The following EIF3D variants were observed in gnomAD, a reference collection of about 807,000 sequenced individuals.
EIF3D encodes eukaryotic translation initiation factor 3 subunit D.
Under a neutral mutation model 75.4 loss-of-function variants are expected in EIF3D, and 10 were observed. That is an observed-to-expected ratio of 0.13 (90% CI 0.08 to 0.22). EIF3D has a LOEUF of 0.22. EIF3D is among the 10% of genes least tolerant of loss of function. The pLI, the probability that EIF3D is intolerant of heterozygous loss-of-function variation, is 1.00. For missense variants in EIF3D, 394 were observed against 708.0 expected, an observed-to-expected ratio of 0.56 and a Z score of 5.03; for synonymous variants, 246 against 248.3, an observed-to-expected ratio of 0.99 and a Z score of 0.09.
chr22:36,511,224 C>T, intron 14 of EIF3D: 1 of 796,798 alleles, frequency 1.3e-6, no homozygotes. Context: ...GGAGCTTTTC[C>T]CTCTAGACCA....
chr22:36,516,490 C>G lies in EIF3D; in HGVS notation c.1194G>C (p.Glu398Asp), dbSNP rs1568998860. The G allele has an allele frequency of 6.2e-7, 1 of 1,613,994 alleles. No homozygotes were observed. The highest frequency in any genetic ancestry group is 2.2e-5 in the East Asian group (1 of 44,880). ...GATGGCGGCTCACCCTGGAATCCCA[C>G]TCATTGAGTGTCTTGATGTTGATGA... Reference protein sequence around the residue: ...VSFINIKTLNEWDSRHCNGVD... With the variant: ...VSFINIKTLNDWDSRHCNGVD... Residue 398 changes from glutamate to aspartate, a missense_variant, in exon 12 of 15, where the codon GAG (glutamate) becomes GAC (aspartate). Physicochemically the swap from Glu to Asp is conservative, Grantham distance 45 (BLOSUM62 2). Transcript: ENST00000216190.
intron 1 of EIF3D, among the ~76,000 whole-genome samples, chr22:36,528,419 T>TA (rs113181433): frequency 0.19 from 27,365 of 144,472 alleles, 2,526 homozygotes; most frequent in African/African-American, 0.22. Context: ...CTTTAATAAA[T>TA]GTTTTTTTTT....
chr22:36,511,236 C>T (rs183040483), intron 14 of EIF3D: 15 of 802,176 alleles, frequency 1.9e-5, no homozygotes, highest in Admixed American at 8.9e-5. Context: ...TCTAGACCAC[C>T]GGCTTCAATC....
In EIF3D at chr22:36,527,171, T is replaced by C. The variant is rs74399471; in HGVS notation, c.-10-1040A>G. 1.2e-3 allele frequency among the ~76,000 whole-genome samples: 181 copies of C among 152,316 alleles called. 1 individual carries two copies. Among genetic ancestry groups the C allele is most frequent in the African/African-American group, 4.2e-3 (175 of 41,562 alleles). ...ACAGACCTCAGGCCCAAAGTTGCCA[T>C]GTTAAATGTTCATGAATACTGCCAG... is the stretch of plus-strand genomic sequence containing the variant. On this transcript the variant is annotated intron_variant, in intron 1 of 14. Transcript: ENST00000216190.
chr22:36,511,317 C>T (rs1296398255), intron 14 of EIF3D, 186 bp downstream of exon 14: 2 of 1,236,490 alleles, frequency 1.6e-6, no homozygotes, highest in African/African-American at 3.0e-5. Context: ...CTATCCTCCC[C>T]AACCACTTGA....
intron 10 of EIF3D, among the ~76,000 whole-genome samples, 169 bp downstream of exon 10, chr22:36,517,132 G>A (rs1934439496): frequency 6.6e-6 from 1 of 152,178 alleles, no homozygotes; most frequent in Non-Finnish European, 1.5e-5. Context: ...TTTGTTCAAA[G>A]TCAGAGAGCC....
At chr22:36,528,605 TA>T (rs1934645972) in intron 1 of EIF3D, 1 of 123,794 alleles carries the variant, frequency 8.1e-6, no homozygotes, top group Non-Finnish European at 1.6e-5. Context: ...GGGGGTGGGG[TA>T]GATTTAAGAT....
chr22:36,516,274 T>TA lies in EIF3D; in HGVS notation c.1206+203dup. ...GCAGAAAAGTTCTTAACACTTAACA[T>TA]AGTTCTACACACACAGTCATGCTCT... On this transcript the variant is annotated intron_variant, in intron 12 of 14. Coordinates refer to ENST00000216190, the MANE Select transcript of EIF3D (RefSeq NM_003753.4). The TA allele has an allele frequency of 5.3e-6, 3 of 569,174 alleles. No individual in the cohort carries two copies. The South Asian group carries it at 8.1e-5, about 15-fold the overall frequency. 35.3% of individuals were successfully genotyped at this position (569,174 alleles called of 1,614,324 possible). A position where few individuals can be genotyped will look rare whatever the true frequency, so the allele number is the denominator to read the frequency against.
At chr22:36,515,895 G>A (rs866944804) in intron 12 of EIF3D, among the ~76,000 whole-genome samples, 19 of 150,784 alleles carry the variant, frequency 1.3e-4, no homozygotes, top group South Asian at 2.1e-4. Flanking sequence ...TGATGTGGGC[G>A]GGGGGGCGGA....
rs1215182398 is a variant in EIF3D at position 36,511,052 on chromosome 22, G to A, written c.1634-52C>T. The A allele has an allele frequency of 6.3e-6, 10 of 1,579,090 alleles. No homozygotes were observed. In the East Asian group the frequency reaches 9.0e-5, roughly 14 times the overall value. On this transcript the variant is annotated intron_variant, in intron 14 of 14. Transcript: ENST00000216190. ...AATGAGCCAGGTTGTGTGATATGAT[G>A]TTCACTTTCCTTTCTGAACCTCTGC...
chr22:36,524,599 G>A lies in EIF3D; in HGVS notation c.303C>T (p.Ala101=), dbSNP rs1455020149. 2 of 1,614,110 alleles carry A rather than the reference G, an allele frequency of 1.2e-6. No individual in the cohort carries two copies. The highest frequency in any genetic ancestry group is 2.2e-5 in the South Asian group (2 of 91,084). The part of the protein sequence containing the change: ...TAYQRNRMRF[A]QRNLRRDKDR... Reference sequence around the variant, plus strand: ...TGGTTGCTGGCTCTTGGCCTACCTGGGCAAATCTCATTCGATTCCGCTGGT... The same window carrying A: ...TGGTTGCTGGCTCTTGGCCTACCTGAGCAAATCTCATTCGATTCCGCTGGT... Residue 101 remains alanine (A), a synonymous_variant, in exon 4 of 15, where the codon GCC becomes GCT. Transcript: ENST00000216190.
intron 6 of EIF3D, among the ~76,000 whole-genome samples, chr22:36,521,768 C>T (rs1436255434): frequency 8.7e-6 from 1 of 114,468 alleles, no homozygotes; most frequent in African/African-American, 3.7e-5. Context: ...CTCTACAAAA[C>T]ATATGAAAAA....
At chr22:36,512,722 C>G in intron 12 of EIF3D, 120 bp from the exon 13 acceptor site, 5 of 1,139,578 alleles carry the variant, frequency 4.4e-6, no homozygotes, top group Non-Finnish European at 6.1e-6. Flanking sequence ...TAGGTACGCA[C>G]TAAATCTTAC....
intron 12 of EIF3D, 46 bp downstream of exon 12, chr22:36,516,432 A>C: frequency 1.2e-6 from 2 of 1,601,282 alleles, no homozygotes; most frequent in Non-Finnish European, 1.7e-6. Context: ...ACTGTAGGGA[A>C]TAGAGACATG....
chr22:36,518,718 A>AAAAT (rs758740407), intron 9 of EIF3D, 45 bp downstream of exon 9: 1 of 1,608,988 alleles, frequency 6.2e-7, no homozygotes, highest in Non-Finnish European at 8.5e-7. Flanking sequence ...TGTACCAACA[A>AAAAT]AAATACTCAA....
rs931738172 is a variant in EIF3D, at chr22:36,524,101, T to A, written c.307-121A>T. The A allele has an allele frequency of 8.1e-6, 8 of 981,782 alleles. No homozygotes were observed. In the African/African-American group the frequency reaches 1.1e-4, roughly 14 times the overall value. 60.8% of individuals were successfully genotyped at this position (981,782 alleles called of 1,614,324 possible). ...CCAAATCCCAAGTTTCACATCTTAC[T>A]CTGTGCTTTCACTCTACGGCATCAA... On this transcript the variant is annotated intron_variant, in intron 4 of 14. Transcript: ENST00000216190.
At chr22:36,517,163 G>A in intron 10 of EIF3D, 138 bp downstream of exon 10, 2 of 1,159,552 alleles carry the variant, frequency 1.7e-6, no homozygotes, top group South Asian at 1.4e-5. Flanking sequence ...GCCCAGGCAT[G>A]TAACTCCCCT....
intron 9 of EIF3D, 53 bp downstream of exon 9, chr22:36,518,710 T>C: frequency 6.2e-7 from 1 of 1,605,112 alleles, no homozygotes; most frequent in Non-Finnish European, 8.5e-7. Flanking sequence ...ACTTGTTCTG[T>C]ACCAACAAAA....
chr22:36,511,631 T>G lies in EIF3D; in HGVS notation c.1505A>C (p.Glu502Ala). The G allele has an allele frequency of 6.2e-7, 1 of 1,614,144 alleles. No individual in the cohort carries two copies. Among genetic ancestry groups the G allele is most frequent in the Admixed American group, 1.7e-5 (1 of 60,008 alleles). Residue 502 changes from glutamate (E) to alanine (A), a missense_variant, in exon 14 of 15, where the codon GAG becomes GCG. Physicochemically the swap from Glu to Ala is moderately radical, Grantham distance 107 (BLOSUM62 -1). Transcript: ENST00000216190. ...CTTGAGGATGAGGTATTTGCCCTCC[T>G]CCAGCTTCATGCAGATGTCAATGAC... ...RCVIDICMKL[E>A]EGKYLILKDP...
Sources: gnomAD v4.1 joint callset for allele counts (sites outside exome capture counted in the v4.1 genomes callset) on GRCh38, gnomAD v4.1.1 for gene constraint, MANE v1.5 for transcripts, NCBI Gene and HGNC (gene_info 2026-07-23, HGNC 2026-07-21) for gene names.